Variants in CDKN1A observed in about 807,000 individuals in gnomAD.
CDKN1A encodes the protein cyclin dependent kinase inhibitor 1A, also known as cyclin-dependent kinase inhibitor 1.
Under a neutral mutation model 14.8 loss-of-function variants are expected in CDKN1A, and 14 were observed. The ratio of observed to expected loss-of-function variants is 0.94; its 90% confidence interval spans 0.62 to 1.48. The LOEUF is 1.48. Ranked by LOEUF, CDKN1A falls within the 40% of genes most tolerant of loss-of-function variation. The pLI, the probability that CDKN1A is intolerant of heterozygous loss-of-function variation, is 0.00. For synonymous variants in CDKN1A, 92 were observed against 93.5 expected, an observed-to-expected ratio of 0.98 and a Z score of 0.09; for missense variants, 203 against 231.7, an observed-to-expected ratio of 0.88 and a Z score of 0.80.
chr6:36,679,867 G>A (rs1365923025), intron 1 of CDKN1A, among the ~76,000 whole-genome samples: 2 of 151,920 alleles, frequency 1.3e-5, no homozygotes, highest in African/African-American at 4.8e-5. Context: ...TTTGAGGGGT[G>A]GGGGGTCTGG....
In CDKN1A at chr6:36,685,102, A is replaced by T. The variant is rs548556866; in HGVS notation, c.445+556A>T. Among the ~76,000 whole-genome samples, 67 of 152,262 alleles carry T rather than the reference A, an allele frequency of 4.4e-4. No individual in the cohort carries two copies. In the South Asian group the frequency reaches 0.013, roughly 29 times the overall value. On this transcript the variant is annotated intron_variant, in intron 2 of 2. Coordinates refer to ENST00000244741, the MANE Select transcript of CDKN1A (RefSeq NM_000389.5). ...CAGTCCTCCTGCCTCAGCCTCCCAA[A>T]GTGTTGTGATTACAGGCGTGAGCCA...
intron 1 of CDKN1A, among the ~76,000 whole-genome samples, chr6:36,681,991 C>T (rs577569075): frequency 6.6e-6 from 1 of 152,244 alleles, no homozygotes; most frequent in South Asian, 2.1e-4. Context: ...ATGATTCTCC[C>T]ACCTCTGCCT....
upstream of CDKN1A, among the ~76,000 whole-genome samples, chr6:36,677,293 A>T (rs1330936528): frequency 6.6e-6 from 1 of 152,070 alleles, no homozygotes; most frequent in Non-Finnish European, 1.5e-5. Flanking sequence ...AGCAGAGGAG[A>T]AAGAAGCCTG....
chr6:36,685,673 C>A, intron 2 of CDKN1A, 78 bp from the exon 3 acceptor site: 2 of 1,471,008 alleles, frequency 1.4e-6, no homozygotes, highest in South Asian at 1.1e-5. Context: ...TCCTGGCCCC[C>A]CACTGTCTTC....
At position 36,685,951 on chromosome 6, in the gene CDKN1A, C is replaced by T. The variant is rs1317251949; in HGVS notation, c.*151C>T. On this transcript the variant is annotated 3_prime_UTR_variant, in exon 3 of 3. Coordinates refer to ENST00000244741, the MANE Select transcript of CDKN1A (RefSeq NM_000389.5). ...ATGTACATACCCTGGCCGCCCCCTGCCCCCCAGCCTCTGGCATTAGAATTA... is the reference window on the plus strand; with the variant it reads ...ATGTACATACCCTGGCCGCCCCCTGTCCCCCAGCCTCTGGCATTAGAATTA... The T allele has an allele frequency of 1.2e-5, 9 of 764,042 alleles. No homozygotes were observed. The highest frequency in any genetic ancestry group is 7.0e-5 in the African/African-American group (4 of 57,368). The allele number at this position is 764,042 out of a possible 1,614,324, so 47.3% of individuals were successfully genotyped here.
At chr6:36,683,268 G>A (rs113777466) in intron 1 of CDKN1A, among the ~76,000 whole-genome samples, 5 of 152,308 alleles carry the variant, frequency 3.3e-5, no homozygotes, top group African/African-American at 1.2e-4. Flanking sequence ...GCTCAGACAA[G>A]TTAAGTTGCT....
chr6:36,681,280 T>TTTCTTTCTTTC (rs1308733953), intron 1 of CDKN1A, among the ~76,000 whole-genome samples: 3,429 of 112,020 alleles, frequency 0.031, 225 homozygotes, highest in East Asian at 0.037. Flanking sequence ...TTCTTTCTTT[T>TTTCTTTCTTTC]TTTCTTTCTT....
Position 36,686,522 on chromosome 6 carries a change from C to G in CDKN1A, c.*722C>G, listed in dbSNP as rs1268992201. ...CTGGGGAGCCCGTCTCAGTGTTGAG[C>G]CTTTTCCCTCTTTGGCTCCCCTGTA... On this transcript the variant is annotated 3_prime_UTR_variant, in exon 3 of 3. Coordinates refer to ENST00000244741, the MANE Select transcript of CDKN1A (RefSeq NM_000389.5). The surrounding 1 kb of genome is among the most constrained non-coding windows in gnomAD (Gnocchi z 4.9). 1 of 234,318 alleles carries G rather than the reference C, an allele frequency of 4.3e-6. No individual in the cohort carries two copies. The highest frequency in any genetic ancestry group is 8.4e-6 in the Non-Finnish European group (1 of 118,710). The allele number at this position is 234,318 out of a possible 1,614,324, so 14.5% of individuals were successfully genotyped here.
rs1762215807 is a variant in CDKN1A, at chr6:36,686,606, C to T, written c.*806C>T. 1 of 234,168 alleles carries T rather than the reference C, an allele frequency of 4.3e-6. No individual in the cohort carries two copies. Among genetic ancestry groups the T allele is most frequent in the East Asian group, 6.0e-5 (1 of 16,614 alleles). The allele number at this position is 234,168 out of a possible 1,614,324, so 14.5% of individuals were successfully genotyped here. Reference sequence around the variant, plus strand: ...AGCTGGGCTCTGCAATTCCCCTCTGCTGCTGTCCCTCCCCCTTGTCCTTTC... The same window carrying T: ...AGCTGGGCTCTGCAATTCCCCTCTGTTGCTGTCCCTCCCCCTTGTCCTTTC... On this transcript the variant is annotated 3_prime_UTR_variant, in exon 3 of 3. Coordinates refer to ENST00000244741, the MANE Select transcript of CDKN1A (RefSeq NM_000389.5). The surrounding 1 kb of genome is among the most constrained non-coding windows in gnomAD (Gnocchi z 4.9).
chr6:36,678,626 C>T (rs920152411), upstream of CDKN1A: 8 of 979,622 alleles, frequency 8.2e-6, no homozygotes, highest in East Asian at 5.7e-4. The surrounding 1 kb of genome is among the most constrained non-coding windows in gnomAD (Gnocchi z 5.7). Context: ...TCCCGGGCGG[C>T]GCGGTGGGCC....
In CDKN1A at chr6:36,678,913, C is replaced by G; in HGVS notation, c.-6+115C>G. On this transcript the variant is annotated intron_variant, in intron 1 of 2. Transcript: ENST00000244741. The surrounding 1 kb of genome is among the most constrained non-coding windows in gnomAD (Gnocchi z 5.7). ...GAGGATGCGTGTTCGCGGGTGTGTG[C>G]TGCGTTCACAGGTGTTTCTGCGGCA... The G allele has an allele frequency of 9.1e-6, 9 of 986,016 alleles. No homozygotes were observed. The highest frequency in any genetic ancestry group is 1.1e-5 in the Non-Finnish European group (9 of 830,304). 61.1% of individuals were successfully genotyped at this position (986,016 alleles called of 1,614,324 possible).
chr6:36,684,469 CAG>C lies in CDKN1A; in HGVS notation c.369_370del (p.Glu125AlafsTer3). On this transcript the variant is annotated frameshift_variant, in exon 2 of 3. Coordinates refer to ENST00000244741, the MANE Select transcript of CDKN1A (RefSeq NM_000389.5). LOFTEE classifies it high-confidence loss of function. The surrounding 1 kb of genome is among the most constrained non-coding windows in gnomAD (Gnocchi z 6.0). ...CTGTCTTGTACCCTTGTGCCTCGCT[CAG>C]GGGAGCAGGCTGAAGGGTCCCCAGG... The C allele has an allele frequency of 6.2e-7, 1 of 1,614,200 alleles. No individual in the cohort carries two copies. Among genetic ancestry groups the C allele is most frequent in the Non-Finnish European group, 8.5e-7 (1 of 1,180,034 alleles).
chr6:36,681,334 T>TTCCTTCTTTCTTTCTTTC (rs780161958), intron 1 of CDKN1A, among the ~76,000 whole-genome samples: 1 of 86,056 alleles, frequency 1.2e-5, no homozygotes, highest in Admixed American at 1.1e-4. Context: ...CTTTCTTTCT[T>TTCCTTCTTTCTTTCTTTC]TTTCTTTCTT....
At chr6:36,681,389 CTT>C (rs1562038399) in intron 1 of CDKN1A, among the ~76,000 whole-genome samples, 39 of 82,632 alleles carry the variant, frequency 4.7e-4, no homozygotes, top group Middle Eastern at 0.011. Flanking sequence ...TTCTTTCTTT[CTT>C]TCTTTCTTTC....
Position 36,685,803 on chromosome 6 carries a change from C to A in CDKN1A, c.*3C>A, listed in dbSNP as rs139304346. The A allele has an allele frequency of 6.2e-7, 1 of 1,614,090 alleles. No individual in the cohort carries two copies. The highest frequency in any genetic ancestry group is 8.5e-7 in the Non-Finnish European group (1 of 1,179,958). On this transcript the variant is annotated 3_prime_UTR_variant, in exon 3 of 3. Coordinates refer to ENST00000244741, the MANE Select transcript of CDKN1A (RefSeq NM_000389.5). ...TCTTCTCCAAGAGGAAGCCCTAATC[C>A]GCCCACAGGAAGCCTGCAGTCCTGG...
intron 1 of CDKN1A, among the ~76,000 whole-genome samples, chr6:36,681,411 T>TTCTCTCTTTCTCTTTC (rs1554185413): frequency 1.1e-5 from 1 of 88,788 alleles, no homozygotes; most frequent in African/African-American, 4.6e-5. Context: ...CTTTCTTCCT[T>TTCTCTCTTTCTCTTTC]TCTCTTTCTC....
chr6:36,677,954 G>C, upstream of CDKN1A: 2 of 1,199,060 alleles, frequency 1.7e-6, no homozygotes, highest in Non-Finnish European at 2.2e-6. Flanking sequence ...GGTGTAGGGA[G>C]ATTGGTTCAA....
At position 36,684,435 on chromosome 6, in the gene CDKN1A, G is replaced by T; in HGVS notation, c.334G>T (p.Asp112Tyr). The T allele has an allele frequency of 1.9e-6, 3 of 1,613,952 alleles. No individual in the cohort carries two copies. The highest frequency in any genetic ancestry group is 2.5e-6 in the Non-Finnish European group (3 of 1,179,948). Residue 112 changes from aspartate (D) to tyrosine (Y), a missense_variant, in exon 2 of 3, where the codon GAC becomes TAC. Asp to Tyr is a radical substitution (Grantham distance 160). Coordinates refer to ENST00000244741, the MANE Select transcript of CDKN1A (RefSeq NM_000389.5). This position sits in a 1 kb window ranked among gnomAD's most constrained non-coding sequence, Gnocchi z 6.0. ...GGGGACAGCAGAGGAAGACCATGTG[G>T]ACCTGTCACTGTCTTGTACCCTTGT... ...LQGTAEEDHV[D>Y]LSLSCTLVPR...
chr6:36,686,408 G>C lies in CDKN1A; in HGVS notation c.*608G>C. 1 of 241,302 alleles carries C rather than the reference G, an allele frequency of 4.1e-6. No homozygotes were observed. The highest frequency in any genetic ancestry group is 8.1e-6 in the Non-Finnish European group (1 of 122,808). The allele number at this position is 241,302 out of a possible 1,614,324, so 14.9% of individuals were successfully genotyped here. ...GGGACCTGGTACCCTCCTGGCTCTT[G>C]ATACCCCCCTCTGTCTTGTGAAGGC... On this transcript the variant is annotated 3_prime_UTR_variant, in exon 3 of 3. Coordinates refer to ENST00000244741, the MANE Select transcript of CDKN1A (RefSeq NM_000389.5). This position sits in a 1 kb window ranked among gnomAD's most constrained non-coding sequence, Gnocchi z 4.9.
Sources: allele counts gnomAD v4.1 joint callset (sites outside exome capture counted in the v4.1 genomes callset), GRCh38; gene constraint gnomAD v4.1.1; non-coding constraint Gnocchi (gnomAD v3.1); transcripts MANE v1.5; gene names NCBI Gene and HGNC (gene_info 2026-07-23, HGNC 2026-07-21).